PCDH15: variants seen among roughly 807,000 people sequenced by gnomAD.
PCDH15 encodes protocadherin related 15, also known as protocadherin-15.
Under a neutral mutation model 178.5 loss-of-function variants are expected in PCDH15, and 129 were observed. The observed-to-expected ratio is 0.72, with a 90% confidence interval of 0.63 to 0.84. PCDH15 has a LOEUF of 0.84. PCDH15 is among the 40% of genes least tolerant of loss of function. The pLI is 0.00. For missense variants in PCDH15, 2,230 were observed against 2,099.9 expected (o/e 1.06, Z -1.21); for synonymous variants, 800 against 732.0 (o/e 1.09, Z -1.50).
At chr10:53,848,193 T>G (rs967392928) in intron 28 of PCDH15, among the ~76,000 whole-genome samples, 5 of 151,540 alleles carry the variant, frequency 3.3e-5, no homozygotes, top group Admixed American at 3.3e-4. Flanking sequence ...GTACCATGAG[T>G]TGGGGTGAAT....
intron 2 of PCDH15, among the ~76,000 whole-genome samples, chr10:55,374,990 T>G (rs1166944766): frequency 6.6e-6 from 1 of 152,134 alleles, no homozygotes; most frequent in East Asian, 1.9e-4. Context: ...GATCTACACT[T>G]CAGTTACCAA....
chr10:54,958,309 G>T (rs1308027720), intron 2 of PCDH15, among the ~76,000 whole-genome samples: 1 of 151,742 alleles, frequency 6.6e-6, no homozygotes, highest in Non-Finnish European at 1.5e-5. Flanking sequence ...AGGATAAAGA[G>T]AAAATTGGTT....
intron 5 of PCDH15, among the ~76,000 whole-genome samples, chr10:54,346,904 G>A (rs1489340763): frequency 6.6e-6 from 1 of 152,208 alleles, no homozygotes. Flanking sequence ...AATCCAGGCT[G>A]ATGATTATAT....
At chr10:54,625,221 ATCTT>A (rs2093507960) in intron 2 of PCDH15, among the ~76,000 whole-genome samples, 1 of 152,198 alleles carries the variant, frequency 6.6e-6, no homozygotes, top group African/African-American at 2.4e-5. Flanking sequence ...TAGAGGCCCT[ATCTT>A]TCTCAATGGT....
intron 8 of PCDH15, among the ~76,000 whole-genome samples, chr10:54,252,523 A>G (rs745773669): frequency 6.6e-6 from 1 of 152,208 alleles, no homozygotes; most frequent in Non-Finnish European, 1.5e-5. Context: ...TAGATTATTA[A>G]TCAGAACTCT....
intron 2 of PCDH15, among the ~76,000 whole-genome samples, chr10:54,592,517 T>C (rs2091950592): frequency 6.6e-6 from 1 of 152,114 alleles, no homozygotes; most frequent in Non-Finnish European, 1.5e-5. Flanking sequence ...ATGTAAAACA[T>C]ATCTAATGTT....
intron 2 of PCDH15, among the ~76,000 whole-genome samples, chr10:55,579,773 C>G (rs1842569162): frequency 6.6e-6 from 1 of 152,140 alleles, no homozygotes. Context: ...CATCCATTCA[C>G]TCATAGATTA....
chr10:55,183,448 A>C (rs2132137033), intron 1 of PCDH15, among the ~76,000 whole-genome samples: 1 of 151,962 alleles, frequency 6.6e-6, no homozygotes, highest in East Asian at 1.9e-4. Flanking sequence ...ACACCCAATA[A>C]ATTAACCCAA....
At chr10:54,507,863 T>G (rs532262266) in intron 3 of PCDH15, among the ~76,000 whole-genome samples, 1 of 152,128 alleles carries the variant, frequency 6.6e-6, no homozygotes, top group African/African-American at 2.4e-5. Flanking sequence ...CATATTAAAA[T>G]TTCAGTATGA....
At chr10:53,930,602 TTTTA>T (rs1454363584) in intron 25 of PCDH15, among the ~76,000 whole-genome samples, 1 of 152,032 alleles carries the variant, frequency 6.6e-6, no homozygotes, top group African/African-American at 2.4e-5. Context: ...AGCTTAAAAC[TTTTA>T]TTTGTTTTAT....
chr10:55,058,409 C>T (rs151328237), intron 2 of PCDH15, among the ~76,000 whole-genome samples: 271 of 152,004 alleles, frequency 1.8e-3, no homozygotes, highest in African/African-American at 6.1e-3. Context: ...GGGATTTTGC[C>T]GTCTTGCTCA....
At chr10:55,518,217 GT>G (rs1186031509) in intron 2 of PCDH15, among the ~76,000 whole-genome samples, 2 of 151,954 alleles carry the variant, frequency 1.3e-5, no homozygotes, top group African/African-American at 4.8e-5. Context: ...CCTCTTTAAA[GT>G]CCCAATCACC....
chr10:55,034,446 T>A (rs78367823), intron 2 of PCDH15, among the ~76,000 whole-genome samples: 50 of 152,226 alleles, frequency 3.3e-4, no homozygotes, highest in Middle Eastern at 3.4e-3. Flanking sequence ...AATATATAAA[T>A]CTTAGATTAC....
intron 1 of PCDH15, among the ~76,000 whole-genome samples, chr10:54,737,929 G>A (rs1247119304): frequency 2.6e-5 from 4 of 152,062 alleles, no homozygotes; most frequent in African/African-American, 9.7e-5. Context: ...CCAGAGAACT[G>A]CATTGCATGT....
intron 9 of PCDH15, among the ~76,000 whole-genome samples, chr10:54,220,427 C>A (rs539001654): frequency 3.3e-5 from 5 of 152,176 alleles, no homozygotes; most frequent in Admixed American, 6.5e-5. Flanking sequence ...AGTGTAAACT[C>A]TTTCCTGTTA....
chr10:54,722,578 C>T (rs61854086), intron 1 of PCDH15, among the ~76,000 whole-genome samples: 1 of 105,640 alleles, frequency 9.5e-6, no homozygotes, highest in Admixed American at 9.5e-5. Context: ...GCAATTGGGA[C>T]CAAAAAAAAA....
At chr10:54,054,566 T>TAC (rs1044284603) in intron 18 of PCDH15, among the ~76,000 whole-genome samples, 4 of 151,854 alleles carry the variant, frequency 2.6e-5, no homozygotes, top group Non-Finnish European at 4.4e-5. Context: ...TATTTACACA[T>TAC]ACACACACAC....
At chr10:55,315,753 C>T (rs1227266278) in intron 1 of PCDH15, among the ~76,000 whole-genome samples, 1 of 152,164 alleles carries the variant, frequency 6.6e-6, no homozygotes, top group Non-Finnish European at 1.5e-5. Context: ...CTTGGTGGCT[C>T]CTGCCTGCAA....
At chr10:55,036,703 T>A (rs1445283559) in intron 2 of PCDH15, among the ~76,000 whole-genome samples, 1 of 152,196 alleles carries the variant, frequency 6.6e-6, no homozygotes, top group African/African-American at 2.4e-5. Context: ...CCTCAGAAGA[T>A]CTGTTAACCA....
Sources: allele counts gnomAD v4.1 joint callset (sites outside exome capture counted in the v4.1 genomes callset), GRCh38; gene constraint gnomAD v4.1.1; transcripts MANE v1.5; gene names NCBI Gene and HGNC (gene_info 2026-07-23, HGNC 2026-07-21).